Variants in GNG2 observed in about 807,000 individuals in gnomAD.
The protein encoded by GNG2 is G protein subunit gamma 2.
GNG2 carries 5 observed loss-of-function variants against 5.5 expected under a neutral mutation model. The observed-to-expected ratio is 0.91, with a 90% CI of 0.48 to 1.92. The LOEUF is 1.92. GNG2 is among the 30% of genes most tolerant of loss of function. GNG2 has a pLI of 0.01. For missense variants in GNG2, 55 were observed against 88.4 expected (o/e 0.62, Z 1.52); for synonymous variants, 28 against 32.0 (o/e 0.88, Z 0.42).
intron 2 of GNG2, among the ~76,000 whole-genome samples, chr14:51,941,865 C>T (rs1018812796): frequency 2.6e-5 from 4 of 152,208 alleles, no homozygotes; most frequent in African/African-American, 9.7e-5. Context: ...CTATAATCCT[C>T]TCATCAGTTG....
intron 2 of GNG2, among the ~76,000 whole-genome samples, chr14:51,926,797 T>G (rs11847330): frequency 0.021 from 3,160 of 152,244 alleles, 107 homozygotes; most frequent in African/African-American, 0.071. Flanking sequence ...ACACACCCTG[T>G]CCTTCTCACC....
At chr14:51,893,370 T>G (rs1219012724) in intron 2 of GNG2, among the ~76,000 whole-genome samples, 1 of 152,180 alleles carries the variant, frequency 6.6e-6, no homozygotes, top group East Asian at 1.9e-4. Context: ...ATGTTTTCAT[T>G]GATCTTTTGC....
intron 2 of GNG2, among the ~76,000 whole-genome samples, chr14:51,846,572 C>A (rs989880417): frequency 6.6e-6 from 1 of 152,150 alleles, no homozygotes; most frequent in Non-Finnish European, 1.5e-5. Flanking sequence ...AATGTGTGTG[C>A]GACCTGTTTT....
At chr14:51,833,244 G>A (rs937044092) in intron 2 of GNG2, among the ~76,000 whole-genome samples, 3 of 152,282 alleles carry the variant, frequency 2.0e-5, no homozygotes, top group Middle Eastern at 3.4e-3. Flanking sequence ...TCTACCTCCG[G>A]TACCTCTTCA....
At chr14:51,895,328 T>G (rs907375238) in intron 2 of GNG2, among the ~76,000 whole-genome samples, 1 of 152,178 alleles carries the variant, frequency 6.6e-6, no homozygotes, top group Admixed American at 6.5e-5. Context: ...TTAAAAATAA[T>G]AGGTGAAAGT....
chr14:51,836,160 T>C (rs1881324769), intron 2 of GNG2, among the ~76,000 whole-genome samples: 1 of 151,926 alleles, frequency 6.6e-6, no homozygotes, highest in South Asian at 2.1e-4. Flanking sequence ...ATCTCTCTCC[T>C]GTCTCTTATA....
intron 2 of GNG2, among the ~76,000 whole-genome samples, chr14:51,846,488 C>A (rs981477147): frequency 1.3e-5 from 2 of 152,120 alleles, no homozygotes; most frequent in African/African-American, 4.8e-5. Flanking sequence ...TCAACCTCAA[C>A]CCCATATTAA....
intron 2 of GNG2, among the ~76,000 whole-genome samples, chr14:51,927,416 C>T (rs982530476): frequency 3.9e-5 from 6 of 152,166 alleles, no homozygotes; most frequent in African/African-American, 1.4e-4. Flanking sequence ...GAGAAAAATT[C>T]TTATTCAATA....
intron 3 of GNG2, among the ~76,000 whole-genome samples, chr14:51,957,545 A>T (rs1272103780): frequency 1.3e-5 from 2 of 152,162 alleles, no homozygotes; most frequent in Middle Eastern, 3.2e-3. Context: ...ATGTCCTGTC[A>T]CCTCTGAATA....
chr14:51,941,454 CACAAA>C (rs1447765934), intron 2 of GNG2, among the ~76,000 whole-genome samples: 1 of 152,110 alleles, frequency 6.6e-6, no homozygotes, highest in African/African-American at 2.4e-5. Context: ...CTTGTAAATA[CACAAA>C]ACAAAATCTC....
intron 3 of GNG2, among the ~76,000 whole-genome samples, chr14:51,952,449 G>T (rs1889039048): frequency 6.6e-6 from 1 of 152,202 alleles, no homozygotes; most frequent in Admixed American, 6.5e-5. Flanking sequence ...GCTGAGAGAA[G>T]TAAGGTGGCC....
intron 2 of GNG2, among the ~76,000 whole-genome samples, chr14:51,846,197 A>G (rs1008609148): frequency 6.6e-6 from 1 of 152,248 alleles, no homozygotes; most frequent in Non-Finnish European, 1.5e-5. Context: ...CTCAGATATA[A>G]TCATGAAAAA....
At chr14:51,958,061 G>C (rs957234314) in intron 3 of GNG2, among the ~76,000 whole-genome samples, 1 of 152,136 alleles carries the variant, frequency 6.6e-6, no homozygotes. Flanking sequence ...AAAGTATTTG[G>C]AATTTGGGAA....
chr14:51,880,113 A>G (rs1236484470), intron 2 of GNG2, among the ~76,000 whole-genome samples: 3 of 152,182 alleles, frequency 2.0e-5, no homozygotes, highest in Non-Finnish European at 4.4e-5. Context: ...CTGGCATTGG[A>G]TCAAGGGGAC....
chr14:51,872,357 G>A (rs555249522), intron 1 of GNG2, among the ~76,000 whole-genome samples: 3 of 151,484 alleles, frequency 2.0e-5, no homozygotes, highest in South Asian at 2.1e-4. Flanking sequence ...TGTTAGCATC[G>A]AGGGATTTAA....
intron 3 of GNG2, among the ~76,000 whole-genome samples, 157 bp downstream of exon 3, chr14:51,950,922 C>A (rs552967922): frequency 6.6e-6 from 1 of 152,058 alleles, no homozygotes; most frequent in South Asian, 2.1e-4. Flanking sequence ...CCTTCTCCAG[C>A]ATAAAATAAT....
chr14:51,855,795 CAGAG>C (rs139891029), upstream of GNG2, among the ~76,000 whole-genome samples: 2 of 149,586 alleles, frequency 1.3e-5, no homozygotes, highest in African/African-American at 2.4e-5. Flanking sequence ...TGATAGGAAA[CAGAG>C]AGAGAGAGAG....
At chr14:51,866,256 C>T (rs1882877694) in intron 1 of GNG2, among the ~76,000 whole-genome samples, 1 of 152,194 alleles carries the variant, frequency 6.6e-6, no homozygotes, top group Non-Finnish European at 1.5e-5. Flanking sequence ...ACTGGGCTGA[C>T]TGGTTCTACT....
At chr14:51,906,102 G>A (rs1406394108) in intron 2 of GNG2, among the ~76,000 whole-genome samples, 1 of 152,194 alleles carries the variant, frequency 6.6e-6, no homozygotes. Context: ...AAACTCAGGG[G>A]ACTATTGCTA....
Sources: allele counts gnomAD v4.1 joint callset (sites outside exome capture counted in the v4.1 genomes callset), GRCh38; gene constraint gnomAD v4.1.1; transcripts MANE v1.5; gene names NCBI Gene and HGNC (gene_info 2026-07-23, HGNC 2026-07-21).